AHRR: variants seen among roughly 807,000 people sequenced by gnomAD.
AHRR encodes ahR repressor.
A neutral mutation model predicts 44.0 loss-of-function variants in AHRR; 28 were observed. That is an observed-to-expected ratio of 0.64 (90% CI 0.47 to 0.87). The LOEUF is 0.87. Ranked by LOEUF, AHRR falls within the 40% of genes least tolerant of loss-of-function variation. The pLI is 0.00. For missense variants in AHRR, 990 were observed against 953.9 expected, an observed-to-expected ratio of 1.04 and a Z score of -0.50; for synonymous variants, 434 against 407.0, an observed-to-expected ratio of 1.07 and a Z score of -0.80.
rs533836118 is a variant in AHRR at position 397,731 on chromosome 5, C to T, written c.352-15613C>T. Among the ~76,000 whole-genome samples, 7 of 137,562 alleles carry T rather than the reference C, an allele frequency of 5.1e-5. No individual in the cohort carries two copies. In the South Asian group the frequency reaches 9.5e-4, roughly 19 times the overall value. 90.2% of individuals were successfully genotyped at this position (137,562 alleles called of 152,430 possible). The stretch of plus-strand genomic sequence containing the variant: ...CCTGACCGTCCACGTAGCTCCTGAC[C>T]GTCCACGTAGCTCCTGACCGTCCAT... On this transcript the variant is annotated intron_variant, in intron 4 of 10. Transcript: ENST00000684583.
intron 5 of AHRR, chr5:421,164 G>T: frequency 1.7e-6 from 1 of 583,012 alleles, no homozygotes; most frequent in East Asian, 3.2e-5. Flanking sequence ...CTGGGAGGCC[G>T]CTCTGGCGCC....
In AHRR at chr5:438,200, T is replaced by C. The variant is rs531374496; in HGVS notation, c.*3366T>C. 21 of 152,384 alleles carry C rather than the reference T, an allele frequency of 1.4e-4. No homozygotes were observed. The highest frequency in any genetic ancestry group is 2.6e-4 in the Non-Finnish European group (18 of 68,030). The allele number at this position is 152,384 out of a possible 1,614,324, so 9.4% of individuals were successfully genotyped here. On this transcript the variant is annotated 3_prime_UTR_variant, in exon 11 of 11. Coordinates refer to ENST00000684583, the MANE Select transcript of AHRR (RefSeq NM_001377236.1). ...TGCTTTCTCAGTGCCTTTAGGAAGC[T>C]TTCAAATTTTTTTGTACTGTGGTTT...
At chr5:412,713 CTCTTT>C (rs1484041598) in intron 4 of AHRR, among the ~76,000 whole-genome samples, 6 of 133,226 alleles carry the variant, frequency 4.5e-5, no homozygotes, top group East Asian at 4.2e-4. Flanking sequence ...TTCTCTCTCT[CTCTTT>C]TTTTTTTTTT....
intron 6 of AHRR, 68 bp from the exon 7 acceptor site, chr5:423,773 G>T: frequency 6.5e-7 from 1 of 1,530,568 alleles, no homozygotes; most frequent in South Asian, 1.2e-5. Flanking sequence ...CGTGGGCGTG[G>T]TTGTGCGTGT....
Position 370,085 on chromosome 5 carries a change from AAGCCCCGTCCTCCCG to A in AHRR, c.245-6524_245-6510del, listed in dbSNP as rs1220850752. Among the ~76,000 whole-genome samples the A allele has an allele frequency of 4.8e-5, 7 of 145,846 alleles. No homozygotes were observed. The highest frequency in any genetic ancestry group is 1.0e-4 in the Non-Finnish European group (7 of 66,816). ...CCCCATCCTCCCGGGCCCTCGCTGG[AAGCCCCGTCCTCCCG>A]GGCCCTCGCTGGAAGCCCCGTCCTC... On this transcript the variant is annotated intron_variant, in intron 3 of 10. Coordinates refer to ENST00000684583, the MANE Select transcript of AHRR (RefSeq NM_001377236.1). The surrounding 1 kb of genome is among the most constrained non-coding windows in gnomAD (Gnocchi z 4.5).
chr5:359,402 G>C (rs11744762), intron 3 of AHRR, among the ~76,000 whole-genome samples: 10,758 of 57,726 alleles, frequency 0.19, 2,072 homozygotes, highest in Non-Finnish European at 0.34. Flanking sequence ...AGTGGAGGCC[G>C]TCAGTCACGG....
intron 4 of AHRR, among the ~76,000 whole-genome samples, chr5:378,399 C>T (rs545069539): frequency 1.3e-5 from 2 of 152,340 alleles, no homozygotes; most frequent in East Asian, 3.9e-4. Context: ...TGGGGCTGAG[C>T]TGGACCCAGC....
rs1736992798 is a variant in AHRR at position 435,636 on chromosome 5, G to C, written c.*802G>C. On this transcript the variant is annotated 3_prime_UTR_variant, in exon 11 of 11. Coordinates refer to ENST00000684583, the MANE Select transcript of AHRR (RefSeq NM_001377236.1). ...GACGGTTCTTCCTAATCTGCCTCTT[G>C]GTACATCACGTAATACAGAGTTCAC... is the stretch of plus-strand genomic sequence containing the variant. 1 of 152,252 alleles carries C rather than the reference G, an allele frequency of 6.6e-6. No individual in the cohort carries two copies. Among genetic ancestry groups the C allele is most frequent in the Admixed American group, 6.6e-5 (1 of 15,258 alleles). The allele number at this position is 152,252 out of a possible 1,614,324, so 9.4% of individuals were successfully genotyped here.
chr5:365,793 T>C (rs1280713127), intron 3 of AHRR, among the ~76,000 whole-genome samples: 7 of 152,118 alleles, frequency 4.6e-5, no homozygotes, highest in African/African-American at 1.4e-4. Flanking sequence ...AAATATAACT[T>C]ATTAAAACTG....
Position 326,720 on chromosome 5 carries a change from C to T in AHRR, c.-11+4901C>T, listed in dbSNP as rs1436014230. Among the ~76,000 whole-genome samples, 1 of 152,082 alleles carries T rather than the reference C, an allele frequency of 6.6e-6. No individual in the cohort carries two copies. The highest frequency in any genetic ancestry group is 1.5e-5 in the Non-Finnish European group (1 of 68,026). On this transcript the variant is annotated intron_variant, in intron 1 of 10. Transcript: ENST00000684583. This position sits in a 1 kb window ranked among gnomAD's most constrained non-coding sequence, Gnocchi z 4.1. ...CACCAGCAATGCACCAGAAACAGTT[C>T]CAATTTCTCCATAGCCCCACTGACC... is the stretch of plus-strand genomic sequence containing the variant.
At chr5:425,339 G>T (rs1330111895) in intron 7 of AHRR, among the ~76,000 whole-genome samples, 1 of 152,144 alleles carries the variant, frequency 6.6e-6, no homozygotes, top group African/African-American at 2.4e-5. Context: ...ATTTATTTTT[G>T]ATGGAGTCTC....
rs567801876 is a variant in AHRR at position 324,353 on chromosome 5, G to C, written c.-11+2534G>C. On this transcript the variant is annotated intron_variant, in intron 1 of 10. Coordinates refer to ENST00000684583, the MANE Select transcript of AHRR (RefSeq NM_001377236.1). Reference sequence around the variant, plus strand: ...CAAAGTGCTGGGATTACAGACATGAGCCACCACGCCCAGCCGCCTAGCTGT... The same window carrying C: ...CAAAGTGCTGGGATTACAGACATGACCCACCACGCCCAGCCGCCTAGCTGT... Among the ~76,000 whole-genome samples the C allele has an allele frequency of 4.6e-5, 7 of 151,688 alleles. No individual in the cohort carries two copies. The East Asian group carries it at 9.8e-4, about 21-fold the overall frequency.
intron 2 of AHRR, among the ~76,000 whole-genome samples, chr5:345,698 T>A (rs1442890165): frequency 6.6e-6 from 1 of 151,956 alleles, no homozygotes. Context: ...CCCTAACACC[T>A]GCTGTGATAA....
intron 4 of AHRR, among the ~76,000 whole-genome samples, chr5:399,882 G>A (rs1338314282): frequency 6.6e-6 from 1 of 152,360 alleles, no homozygotes; most frequent in African/African-American, 2.4e-5. Flanking sequence ...GAGCTGCTCC[G>A]TGGAAGAGAG....
At chr5:381,501 G>A (rs1274922492) in intron 4 of AHRR, among the ~76,000 whole-genome samples, 6 of 99,800 alleles carry the variant, frequency 6.0e-5, no homozygotes, top group Admixed American at 5.3e-4. Context: ...ATTAGCTTAG[G>A]TTTGCTTTTT....
rs1277749867 is a variant in AHRR at position 434,005 on chromosome 5, AC to A, written c.1268del (p.Pro423ArgfsTer88). ...CCGAGGCTGCAGCCCAGCAAGAATG[AC>A]CCGCCCTCCCTGCGCCCCATGCCCC... is the stretch of plus-strand genomic sequence containing the variant. The part of the protein sequence containing the change: ...ARPRLQPSKN[D>X]PPSLRPMPRG... On this transcript the variant is annotated frameshift_variant, in exon 11 of 11. Coordinates refer to ENST00000684583, the MANE Select transcript of AHRR (RefSeq NM_001377236.1). 2.5e-6 allele frequency: 4 copies of A among 1,577,806 alleles called. No homozygotes were observed. In the Admixed American group the frequency reaches 7.2e-5, roughly 28 times the overall value.
chr5:382,881 T>C (rs1355471286), intron 4 of AHRR, among the ~76,000 whole-genome samples: 1 of 152,204 alleles, frequency 6.6e-6, no homozygotes, highest in Non-Finnish European at 1.5e-5. Flanking sequence ...AACTAACCAT[T>C]CTTACTCTGT....
intron 4 of AHRR, 36 bp downstream of exon 4, chr5:376,752 C>A: frequency 6.5e-7 from 1 of 1,544,436 alleles, no homozygotes; most frequent in South Asian, 1.2e-5. Flanking sequence ...ACACTTGACA[C>A]TTGGTTCTCC....
rs1735974895 is a variant in AHRR, at chr5:419,533, G to C, written c.442-3196G>C. On this transcript the variant is annotated intron_variant, in intron 5 of 10. Transcript: ENST00000684583. The surrounding 1 kb of genome is among the most constrained non-coding windows in gnomAD (Gnocchi z 4.4). ...TTAGGGATGGCAGCAAGTGTAAGGGGAATGTTGCTTGCCTCTGGATGCTGG... is the reference window on the plus strand; with the variant it reads ...TTAGGGATGGCAGCAAGTGTAAGGGCAATGTTGCTTGCCTCTGGATGCTGG... Among the ~76,000 whole-genome samples the C allele has an allele frequency of 2.0e-5, 3 of 152,174 alleles. No individual in the cohort carries two copies. The highest frequency in any genetic ancestry group is 7.2e-5 in the African/African-American group (3 of 41,428).
Sources: allele counts gnomAD v4.1 joint callset (sites outside exome capture counted in the v4.1 genomes callset), GRCh38; gene constraint gnomAD v4.1.1; non-coding constraint Gnocchi (gnomAD v3.1); transcripts MANE v1.5; gene names NCBI Gene and HGNC (gene_info 2026-07-23, HGNC 2026-07-21).